Variants in LCORL observed in about 807,000 individuals in gnomAD.
LCORL encodes the protein ligand dependent nuclear receptor corepressor like.
Under a neutral mutation model 141.8 loss-of-function variants are expected in LCORL, and 41 were observed. That is an observed-to-expected ratio of 0.29 (90% CI 0.23 to 0.38). The LOEUF is 0.38. Among genes scored for constraint, LCORL ranks in the 10% least tolerant of loss-of-function variants. LCORL has a pLI of 1.00. For missense variants in LCORL, 1,759 were observed against 2,035.0 expected (o/e 0.86, Z 2.61); for synonymous variants, 618 against 694.1 (o/e 0.89, Z 1.72).
chr4:18,001,105 AAGCTGC>A (rs1191929041), intron 1 of LCORL, among the ~76,000 whole-genome samples: 2 of 152,176 alleles, frequency 1.3e-5, no homozygotes, highest in East Asian at 3.9e-4. Context: ...TAGGTGTTCG[AAGCTGC>A]AGTGAGCTAT....
chr4:17,902,319 AGAG>A (rs985268075), intron 5 of LCORL, among the ~76,000 whole-genome samples: 32 of 152,130 alleles, frequency 2.1e-4, no homozygotes, highest in African/African-American at 7.5e-4. Flanking sequence ...CCCTGCAGTC[AGAG>A]GAGGTTAGAT....
exon 7 of LCORL, chr4:17,875,294 G>C (rs1726801429): frequency 8.1e-7 from 1 of 1,231,244 alleles, no homozygotes; most frequent in Admixed American, 4.2e-5. Context: ...GTCGAATAAT[G>C]TTCTTGGAAG....
intron 4 of LCORL, among the ~76,000 whole-genome samples, chr4:17,942,861 G>C (rs1347657110): frequency 6.9e-6 from 1 of 145,502 alleles, no homozygotes; most frequent in East Asian, 1.9e-4. Context: ...CAGCCAGCAA[G>C]TGAGCATTAC....
chr4:17,925,549 G>A (rs986224573), intron 4 of LCORL, among the ~76,000 whole-genome samples: 1 of 152,116 alleles, frequency 6.6e-6, no homozygotes, highest in African/African-American at 2.4e-5. Flanking sequence ...TGAGGACTTT[G>A]TCATAAGCAT....
At chr4:17,913,186 A>T (rs1434099544) in intron 4 of LCORL, among the ~76,000 whole-genome samples, 1 of 152,256 alleles carries the variant, frequency 6.6e-6, no homozygotes. Context: ...CAGGAATGAC[A>T]GTCAACACCA....
At chr4:17,991,932 A>T (rs139120078) in intron 1 of LCORL, among the ~76,000 whole-genome samples, 2 of 152,350 alleles carry the variant, frequency 1.3e-5, no homozygotes, top group East Asian at 3.9e-4. Flanking sequence ...TACGGAAGTG[A>T]AGCACACAAA....
intron 5 of LCORL, among the ~76,000 whole-genome samples, chr4:17,908,662 G>A (rs1307185856): frequency 6.6e-6 from 1 of 152,014 alleles, no homozygotes; most frequent in Non-Finnish European, 1.5e-5. Context: ...ATTTGTCACA[G>A]ACATTCCATT....
In LCORL at chr4:17,883,891, T is replaced by C. The variant is rs752547686; in HGVS notation, c.776+2177A>G. On this transcript the variant is annotated intron_variant, in intron 6 of 7. Transcript: ENST00000635767. ...GAGGTACCCCATAAATTCCTTGTGC[T>C]TTGGAAACACTCATTTTTCCGCTCA... 27 of 1,550,608 alleles carry C rather than the reference T, an allele frequency of 1.7e-5. No homozygotes were observed. In the South Asian group the frequency reaches 3.0e-4, roughly 17 times the overall value.
At chr4:17,983,904 T>G (rs560171821) in intron 1 of LCORL, among the ~76,000 whole-genome samples, 3 of 152,172 alleles carry the variant, frequency 2.0e-5, no homozygotes, top group Non-Finnish European at 2.9e-5. Flanking sequence ...GGCTGTGAGT[T>G]TGTCATATGT....
intron 2 of LCORL, among the ~76,000 whole-genome samples, chr4:17,971,806 T>C (rs1716002771): frequency 6.6e-6 from 1 of 151,702 alleles, no homozygotes; most frequent in Non-Finnish European, 1.5e-5. Context: ...TTATAAGCAG[T>C]ATGTAACACT....
At chr4:18,012,805 A>C (rs1003717345) in intron 1 of LCORL, among the ~76,000 whole-genome samples, 2 of 152,178 alleles carry the variant, frequency 1.3e-5, no homozygotes, top group South Asian at 4.1e-4. Flanking sequence ...TTAACATATA[A>C]AAGAATCATG....
At chr4:17,847,830 A>C (rs1484749598) in intron 7 of LCORL, among the ~76,000 whole-genome samples, 1 of 152,156 alleles carries the variant, frequency 6.6e-6, no homozygotes, top group African/African-American at 2.4e-5. Context: ...CAAAAGTTTG[A>C]TGTACACCTT....
At chr4:17,842,378 AG>A in exon 8 of LCORL, 1 of 1,611,508 alleles carries the variant, frequency 6.2e-7, no homozygotes. Context: ...CGACTCTGAA[AG>A]GTATGTCATG....
chr4:17,883,837 T>C, intron 6 of LCORL: 1 of 1,550,634 alleles, frequency 6.4e-7, no homozygotes, highest in Non-Finnish European at 8.7e-7. Flanking sequence ...TTCCAGATCT[T>C]TCTTTTACCT....
chr4:17,937,592 T>C (rs1411665421), intron 4 of LCORL, among the ~76,000 whole-genome samples: 1 of 152,192 alleles, frequency 6.6e-6, no homozygotes, highest in East Asian at 1.9e-4. Flanking sequence ...CTTACAGACT[T>C]AGATTTCTTC....
At chr4:17,855,142 T>C (rs1249149196) in intron 7 of LCORL, among the ~76,000 whole-genome samples, 1 of 152,094 alleles carries the variant, frequency 6.6e-6, no homozygotes, top group Non-Finnish European at 1.5e-5. Flanking sequence ...GAAATTATAG[T>C]CGGATTAAGG....
At chr4:17,976,444 T>C (rs1716991175) in intron 1 of LCORL, among the ~76,000 whole-genome samples, 1 of 152,160 alleles carries the variant, frequency 6.6e-6, no homozygotes, top group Admixed American at 6.5e-5. Context: ...TTAGGGCTTG[T>C]CCTAAGGTTT....
chr4:18,019,579 A>G (rs1372307362), intron 1 of LCORL, among the ~76,000 whole-genome samples: 1 of 152,202 alleles, frequency 6.6e-6, no homozygotes, highest in Non-Finnish European at 1.5e-5. Flanking sequence ...CCCCTTTTCC[A>G]TCAAATCCAA....
intron 1 of LCORL, among the ~76,000 whole-genome samples, chr4:18,005,637 A>G (rs1159291939): frequency 6.6e-6 from 1 of 152,312 alleles, no homozygotes; most frequent in East Asian, 1.9e-4. Context: ...CCTAAACCTA[A>G]TTCTTGACTT....
Sources: gnomAD v4.1 joint callset for allele counts (sites outside exome capture counted in the v4.1 genomes callset) on GRCh38, gnomAD v4.1.1 for gene constraint, MANE v1.5 for transcripts, NCBI Gene and HGNC (gene_info 2026-07-23, HGNC 2026-07-21) for gene names.